The following ENKUR variants were observed in gnomAD, a reference collection of about 807,000 sequenced individuals.
The protein encoded by ENKUR is enkurin.
ENKUR carries 19 observed loss-of-function variants against 27.6 expected under a neutral mutation model. The observed-to-expected ratio is 0.69, with a 90% CI of 0.48 to 1.01. ENKUR has a LOEUF of 1.01. Ranked by LOEUF, ENKUR falls within the 50% of genes least tolerant of loss-of-function variation. ENKUR has a pLI of 0.00. For synonymous variants in ENKUR, 117 were observed against 96.9 expected, an observed-to-expected ratio of 1.21 and a Z score of -1.22; for missense variants, 312 against 310.5, an observed-to-expected ratio of 1.00 and a Z score of -0.04.
chr10:25,054,533 T>TCC (rs1192839666), intron 2 of ENKUR, among the ~76,000 whole-genome samples: 1 of 147,946 alleles, frequency 6.8e-6, no homozygotes, highest in African/African-American at 2.6e-5. Flanking sequence ...TTTCTTTCCT[T>TCC]TCTTTCTTTC....
At chr10:25,017,542 A>G (rs1189055104), upstream of ENKUR, among the ~76,000 whole-genome samples, 1 of 152,134 alleles carries the variant, frequency 6.6e-6, no homozygotes, top group South Asian at 2.1e-4. Context: ...GTTCCTGTAT[A>G]AAAAGGCTTT....
chr10:25,061,631 A>G (rs775339266), intron 1 of ENKUR, among the ~76,000 whole-genome samples: 2 of 152,192 alleles, frequency 1.3e-5, no homozygotes, highest in Non-Finnish European at 2.9e-5. Flanking sequence ...AAATCGGAAA[A>G]TCAACATGTT....
At chr10:25,061,117 G>C (rs760068209) in exon 2 of ENKUR, 10 of 1,535,914 alleles carry the variant, frequency 6.5e-6, no homozygotes, top group Admixed American at 2.0e-5. Context: ...ATTACCTGGG[G>C]AGCCACCTCC....
intron 2 of ENKUR, among the ~76,000 whole-genome samples, chr10:25,053,276 A>C (rs1423981797): frequency 6.6e-5 from 10 of 152,204 alleles, no homozygotes; most frequent in Non-Finnish European, 4.4e-5. Flanking sequence ...CATCACTCCA[A>C]ATACTTATCC....
chr10:25,051,672 C>T (rs1851187571), intron 2 of ENKUR, among the ~76,000 whole-genome samples: 2 of 152,222 alleles, frequency 1.3e-5, no homozygotes, highest in Admixed American at 6.5e-5. Flanking sequence ...ACCCAATTAC[C>T]TCTCACAAGG....
intron 2 of ENKUR, among the ~76,000 whole-genome samples, chr10:25,035,304 C>G (rs1282627889): frequency 6.6e-6 from 1 of 152,116 alleles, no homozygotes; most frequent in Non-Finnish European, 1.5e-5. Context: ...CCTGTAATTC[C>G]AGTACGTGGG....
chr10:25,008,781 A>C (rs1850373286), intron 1 of ENKUR, among the ~76,000 whole-genome samples: 1 of 151,824 alleles, frequency 6.6e-6, no homozygotes, highest in South Asian at 2.1e-4. Flanking sequence ...ACCATAAATC[A>C]TGCTGCTATA....
intron 2 of ENKUR, among the ~76,000 whole-genome samples, chr10:25,039,840 A>G (rs1432011785): frequency 6.6e-6 from 1 of 151,800 alleles, no homozygotes; most frequent in African/African-American, 2.4e-5. Flanking sequence ...GCTCAACTGG[A>G]GCTGGAGGAT....
At chr10:25,037,629 A>G (rs761684618) in intron 2 of ENKUR, among the ~76,000 whole-genome samples, 2 of 152,124 alleles carry the variant, frequency 1.3e-5, no homozygotes, top group African/African-American at 2.4e-5. Context: ...ATGAATTTCT[A>G]TTTCTGCCCC....
intron 3 of ENKUR, among the ~76,000 whole-genome samples, chr10:24,995,401 A>G (rs1181155362): frequency 6.6e-6 from 1 of 152,204 alleles, no homozygotes; most frequent in Non-Finnish European, 1.5e-5. Context: ...AAATATGTTA[A>G]TAATCAAAAT....
At chr10:25,061,510 A>T (rs899046065) in intron 1 of ENKUR, 2 of 210,484 alleles carry the variant, frequency 9.5e-6, no homozygotes, top group African/African-American at 4.6e-5. Context: ...GAAAAAAAGG[A>T]AAAAACTTTG....
chr10:25,016,287 A>C (rs931861129), upstream of ENKUR: 1 of 570,186 alleles, frequency 1.8e-6, no homozygotes, highest in Non-Finnish European at 2.3e-6. Flanking sequence ...CACTGTTTTT[A>C]CGTGCCTTTG....
chr10:25,024,246 G>A, intron 2 of ENKUR: 2 of 1,614,184 alleles, frequency 1.2e-6, no homozygotes, highest in Non-Finnish European at 1.7e-6. Flanking sequence ...TCATCCTGGA[G>A]TTGTTTCATG....
intron 2 of ENKUR, among the ~76,000 whole-genome samples, chr10:25,028,617 C>G (rs1029008658): frequency 4.6e-5 from 7 of 152,140 alleles, no homozygotes; most frequent in African/African-American, 1.7e-4. Flanking sequence ...ACCTTTTTCC[C>G]ATCTGTGCTT....
chr10:25,047,392 T>C (rs1851132704), intron 2 of ENKUR, among the ~76,000 whole-genome samples: 1 of 152,216 alleles, frequency 6.6e-6, no homozygotes, highest in Admixed American at 6.5e-5. Context: ...CTCTTGTACC[T>C]TATTTTGGCT....
rs1207587353 is a variant in ENKUR at position 24,983,742 on chromosome 10, G to A, written c.*628C>T. 1 of 152,036 alleles carries A rather than the reference G, an allele frequency of 6.6e-6. No homozygotes were observed. The highest frequency in any genetic ancestry group is 2.4e-5 in the African/African-American group (1 of 41,406). 9.4% of individuals were successfully genotyped at this position (152,036 alleles called of 1,614,324 possible). The stretch of plus-strand genomic sequence containing the variant: ...ATTTTGTTTTTTATGTTGTCCAGAG[G>A]ATAAAAACCAGTGTAAGCAGTAGAA... On this transcript the variant is annotated 3_prime_UTR_variant, in exon 6 of 6. Coordinates refer to ENST00000331161, the MANE Select transcript of ENKUR (RefSeq NM_145010.4).
chr10:25,026,953 A>G (rs1850865234), intron 2 of ENKUR, among the ~76,000 whole-genome samples: 1 of 152,154 alleles, frequency 6.6e-6, no homozygotes, highest in Admixed American at 6.5e-5. Context: ...GGAAGATTCA[A>G]AGTTACGTTT....
chr10:25,002,588 A>AT (rs995897009), intron 1 of ENKUR, among the ~76,000 whole-genome samples: 3 of 151,624 alleles, frequency 2.0e-5, no homozygotes, highest in Non-Finnish European at 4.4e-5. Flanking sequence ...TGTTTCATAT[A>AT]TTTTTTTTCT....
chr10:25,060,076 C>T (rs1226711139), intron 2 of ENKUR, among the ~76,000 whole-genome samples: 2 of 152,166 alleles, frequency 1.3e-5, no homozygotes, highest in African/African-American at 2.4e-5. Context: ...TCTGCCTGGG[C>T]TTCTCTGCTT....
Sources: gnomAD v4.1 joint callset for allele counts (sites outside exome capture counted in the v4.1 genomes callset) on GRCh38, gnomAD v4.1.1 for gene constraint, MANE v1.5 for transcripts, NCBI Gene and HGNC (gene_info 2026-07-23, HGNC 2026-07-21) for gene names.